Variants in IGF1 observed in about 807,000 individuals in gnomAD.
The protein encoded by IGF1 is insulin-like growth factor 1.
A neutral mutation model predicts 13.8 loss-of-function variants in IGF1; 4 were observed. The observed-to-expected ratio is 0.29, with a 90% CI of 0.14 to 0.66. IGF1 has a LOEUF of 0.66. Among genes scored for constraint, IGF1 ranks in the 30% least tolerant of loss-of-function variants. IGF1 has a pLI of 0.78. For synonymous variants in IGF1, 76 were observed against 72.6 expected (o/e 1.05, Z -0.23); for missense variants, 124 against 188.5 (o/e 0.66, Z 2.00).
chr12:102,480,185 T>C (rs990984483), intron 1 of IGF1, 134 bp downstream of exon 1: 48 of 833,536 alleles, frequency 5.8e-5, no homozygotes, highest in Non-Finnish European at 8.0e-5. Context: ...GAATTGCATA[T>C]TCAGCAATTT....
At chr12:102,456,708 G>T (rs899426209) in intron 2 of IGF1, among the ~76,000 whole-genome samples, 4 of 152,012 alleles carry the variant, frequency 2.6e-5, no homozygotes, top group Non-Finnish European at 5.9e-5. Flanking sequence ...ATGGGATGGC[G>T]GAATGTGAAA....
At chr12:102,402,634 T>C in intron 3 of IGF1, 68 bp from the exon 4 acceptor site, 1 of 776,600 alleles carries the variant, frequency 1.3e-6, no homozygotes, top group South Asian at 1.3e-5. Flanking sequence ...TTTCTAACAT[T>C]GGGCCTCAAC....
intron 2 of IGF1, among the ~76,000 whole-genome samples, 199 bp from the exon 3 acceptor site, chr12:102,419,889 A>G (rs5742684): frequency 1.3e-5 from 2 of 151,936 alleles, no homozygotes; most frequent in Non-Finnish European, 2.9e-5. Flanking sequence ...TCTGTACCAC[A>G]CTCATTAGCA....
intron 2 of IGF1, among the ~76,000 whole-genome samples, chr12:102,456,410 A>G (rs577999943): frequency 6.6e-6 from 1 of 152,368 alleles, no homozygotes; most frequent in South Asian, 2.1e-4. Flanking sequence ...AAAGGTATCA[A>G]ATCTAACTGT....
chr12:102,446,560 G>A (rs911869481), intron 2 of IGF1, among the ~76,000 whole-genome samples: 2 of 151,916 alleles, frequency 1.3e-5, no homozygotes, highest in African/African-American at 2.4e-5. Flanking sequence ...CTGTGGGATC[G>A]GTGGTGATAC....
chr12:102,420,238 C>G (rs949053914), intron 2 of IGF1, among the ~76,000 whole-genome samples: 1 of 152,178 alleles, frequency 6.6e-6, no homozygotes, highest in Non-Finnish European at 1.5e-5. Flanking sequence ...GAAGGTCATT[C>G]ATGCAGTAAG....
At chr12:102,416,759 A>C (rs893174034) in intron 3 of IGF1, among the ~76,000 whole-genome samples, 1 of 152,254 alleles carries the variant, frequency 6.6e-6, no homozygotes, top group Non-Finnish European at 1.5e-5. Flanking sequence ...AGTGGTTATC[A>C]TCAGAGATCA....
Position 102,399,288 on chromosome 12 carries a change from G to C in IGF1, c.*3219C>G, listed in dbSNP as rs1873489813. On this transcript the variant is annotated 3_prime_UTR_variant, in exon 4 of 4. Transcript: ENST00000337514. ...ACTTTAATATTATTTGGGGAAGAGAGAACAGAAATTTGACCTAAGTATCCA... is the reference window on the plus strand; with the variant it reads ...ACTTTAATATTATTTGGGGAAGAGACAACAGAAATTTGACCTAAGTATCCA... The C allele has an allele frequency of 6.6e-6, 1 of 152,448 alleles. No individual in the cohort carries two copies. Among genetic ancestry groups the C allele is most frequent in the Admixed American group, 6.6e-5 (1 of 15,226 alleles). The allele number at this position is 152,448 out of a possible 1,614,324, so 9.4% of individuals were successfully genotyped here.
intron 2 of IGF1, among the ~76,000 whole-genome samples, chr12:102,433,340 C>T (rs557069784): frequency 6.6e-6 from 1 of 152,274 alleles, no homozygotes; most frequent in South Asian, 2.1e-4. Flanking sequence ...GTCACTATCT[C>T]CTTATAATCA....
intron 2 of IGF1, among the ~76,000 whole-genome samples, chr12:102,450,500 A>G (rs1037189899): frequency 2.0e-5 from 3 of 152,210 alleles, no homozygotes; most frequent in Admixed American, 6.5e-5. Context: ...CTCTGGGACT[A>G]AATTCGACTT....
intron 1 of IGF1, among the ~76,000 whole-genome samples, chr12:102,476,758 C>A (rs1334263710): frequency 6.6e-6 from 1 of 152,128 alleles, no homozygotes; most frequent in Non-Finnish European, 1.5e-5. Context: ...CCAAGGGACC[C>A]CTGGTTGGCA....
chr12:102,428,236 G>GTGTATATATATATATATATA (rs371640003), intron 2 of IGF1, among the ~76,000 whole-genome samples: 4 of 69,582 alleles, frequency 5.7e-5, no homozygotes, highest in African/African-American at 1.7e-4. Flanking sequence ...TCAATAATGT[G>GTGTATATATATATATATATA]TATATATATA....
intron 2 of IGF1, among the ~76,000 whole-genome samples, chr12:102,434,237 G>A (rs945010138): frequency 4.8e-5 from 7 of 146,980 alleles, no homozygotes; most frequent in Admixed American, 2.7e-4. Context: ...CCATGCTGGT[G>A]CGCTGCACCC....
At chr12:102,455,611 C>T (rs1037724363) in intron 2 of IGF1, among the ~76,000 whole-genome samples, 1 of 152,216 alleles carries the variant, frequency 6.6e-6, no homozygotes, top group African/African-American at 2.4e-5. Context: ...CTTCCAGTCT[C>T]TACCTGCACC....
intron 2 of IGF1, among the ~76,000 whole-genome samples, chr12:102,444,027 A>C (rs5742644): frequency 6.6e-6 from 1 of 151,824 alleles, no homozygotes; most frequent in Admixed American, 6.6e-5. Flanking sequence ...GGGTTTCACC[A>C]TGTTGGCCAG....
chr12:102,403,948 G>A (rs1479034613), intron 3 of IGF1, among the ~76,000 whole-genome samples: 1 of 152,116 alleles, frequency 6.6e-6, no homozygotes, highest in Non-Finnish European at 1.5e-5. Context: ...GTGATGTGCA[G>A]AACTAAGTCA....
intron 2 of IGF1, among the ~76,000 whole-genome samples, chr12:102,463,805 C>T (rs1322687188): frequency 6.6e-6 from 1 of 152,124 alleles, no homozygotes; most frequent in Non-Finnish European, 1.5e-5. Flanking sequence ...AGCTCTGGAC[C>T]AAGCATGAGG....
intron 2 of IGF1, among the ~76,000 whole-genome samples, chr12:102,460,379 G>A (rs1240987090): frequency 2.0e-5 from 3 of 152,146 alleles, no homozygotes; most frequent in Non-Finnish European, 4.4e-5. Context: ...TGTGGACTGG[G>A]ATACCATAGG....
rs371947838 is a variant in IGF1, at chr12:102,402,244, ATTT to A, written c.*260_*262del. ...GGGACTAAGATATATATATATATAT[ATTT>A]TTTTTTTCTTTTCTATAGAACATTA... On this transcript the variant is annotated 3_prime_UTR_variant, in exon 4 of 4. Coordinates refer to ENST00000337514, the MANE Select transcript of IGF1 (RefSeq NM_000618.5). 3.1e-5 allele frequency: 7 copies of A among 227,374 alleles called. No homozygotes were observed. The highest frequency in any genetic ancestry group is 4.2e-5 in the Non-Finnish European group (5 of 117,902). The allele number at this position is 227,374 out of a possible 1,614,324, so 14.1% of individuals were successfully genotyped here.
Sources: allele counts gnomAD v4.1 joint callset (sites outside exome capture counted in the v4.1 genomes callset), GRCh38; gene constraint gnomAD v4.1.1; transcripts MANE v1.5; gene names NCBI Gene and HGNC (gene_info 2026-07-23, HGNC 2026-07-21).